Variants in SYN3 observed in about 807,000 individuals in gnomAD.
SYN3 encodes the protein synapsin III, also known as synapsin-3.
SYN3 carries 35 observed loss-of-function variants against 65.8 expected under a neutral mutation model. The ratio of observed to expected loss-of-function variants is 0.53; its 90% CI spans 0.41 to 0.70. The LOEUF (loss-of-function observed/expected upper bound fraction) is 0.70. Among genes scored for constraint, SYN3 ranks in the 30% least tolerant of loss-of-function variants. The pLI is 0.00. For missense variants in SYN3, 680 were observed against 749.0 expected, an observed-to-expected ratio of 0.91 and a Z score of 1.08; for synonymous variants, 270 against 292.9, an observed-to-expected ratio of 0.92 and a Z score of 0.80.
intron 6 of SYN3, among the ~76,000 whole-genome samples, chr22:32,762,268 T>C (rs932970843): frequency 6.6e-6 from 1 of 151,728 alleles, no homozygotes; most frequent in Non-Finnish European, 1.5e-5. Context: ...CCCAGGGTTA[T>C]AGCAGTGGGC....
chr22:32,791,281 C>T (rs953735963), intron 6 of SYN3, among the ~76,000 whole-genome samples: 9 of 152,242 alleles, frequency 5.9e-5, no homozygotes, highest in Middle Eastern at 6.8e-3. Flanking sequence ...TGTTTGCCTT[C>T]GCTTTATAGG....
chr22:32,662,366 G>A (rs1215071318), intron 6 of SYN3, among the ~76,000 whole-genome samples: 1 of 152,154 alleles, frequency 6.6e-6, no homozygotes, highest in Non-Finnish European at 1.5e-5. Flanking sequence ...AGCTACAGAC[G>A]TGTACATACA....
intron 3 of SYN3, among the ~76,000 whole-genome samples, chr22:32,933,427 T>TTTG (rs1050552070): frequency 3.3e-5 from 5 of 151,938 alleles, no homozygotes; most frequent in Admixed American, 6.6e-5. Flanking sequence ...GGCCTGTGTT[T>TTTG]TTGTTGTTGT....
At chr22:32,935,511 C>T (rs953033993) in intron 3 of SYN3, among the ~76,000 whole-genome samples, 1 of 147,020 alleles carries the variant, frequency 6.8e-6, no homozygotes, top group Non-Finnish European at 1.5e-5. Flanking sequence ...AGTGCAACGG[C>T]GTGATCTCAG....
At chr22:32,652,385 T>C (rs2060084603) in intron 6 of SYN3, among the ~76,000 whole-genome samples, 1 of 151,088 alleles carries the variant, frequency 6.6e-6, no homozygotes, top group Non-Finnish European at 1.5e-5. Context: ...GCAAGTTTTT[T>C]TTTTTTTGGA....
At chr22:32,990,315 T>A (rs1204847418) in intron 2 of SYN3, among the ~76,000 whole-genome samples, 1 of 150,990 alleles carries the variant, frequency 6.6e-6, no homozygotes, top group Admixed American at 6.6e-5. Flanking sequence ...CATCCATCCA[T>A]CCATCCATCC....
chr22:32,555,863 C>T (rs1378342621), intron 7 of SYN3, among the ~76,000 whole-genome samples: 2 of 152,164 alleles, frequency 1.3e-5, no homozygotes, highest in East Asian at 3.9e-4. Context: ...GGGGGATAAA[C>T]TAAATCTCTG....
intron 6 of SYN3, among the ~76,000 whole-genome samples, chr22:32,621,780 A>G (rs1410626272): frequency 2.0e-5 from 3 of 152,124 alleles, no homozygotes; most frequent in Admixed American, 2.0e-4. Flanking sequence ...AGCATTTCGA[A>G]GTTAGGTAAT....
chr22:32,908,826 A>G (rs935952588), intron 4 of SYN3, among the ~76,000 whole-genome samples: 4 of 152,162 alleles, frequency 2.6e-5, no homozygotes, highest in African/African-American at 9.7e-5. Flanking sequence ...GACCATTGAG[A>G]CACTCTAACT....
At chr22:32,612,943 G>T (rs1331099815) in intron 6 of SYN3, among the ~76,000 whole-genome samples, 5 of 152,202 alleles carry the variant, frequency 3.3e-5, no homozygotes, top group Non-Finnish European at 7.3e-5. Context: ...GGACCTGGTG[G>T]CAGGTGATCG....
At chr22:33,057,284 T>C (rs184000083) in intron 1 of SYN3, among the ~76,000 whole-genome samples, 1 of 152,346 alleles carries the variant, frequency 6.6e-6, no homozygotes, top group Non-Finnish European at 1.5e-5. Context: ...ATTCTAAGGC[T>C]GCACTTTAAG....
intron 12 of SYN3, among the ~76,000 whole-genome samples, chr22:32,526,494 G>GATAT: frequency 6.6e-6 from 1 of 151,114 alleles, no homozygotes; most frequent in East Asian, 1.9e-4. Flanking sequence ...CCTTCTTTCT[G>GATAT]ATATATATAT....
rs758840779 is a variant in SYN3, at chr22:32,801,108, C to T, written c.711+63807G>A. Among the ~76,000 whole-genome samples, 3 of 152,208 alleles carry T rather than the reference C, an allele frequency of 2.0e-5. No homozygotes were observed. Among genetic ancestry groups the T allele is most frequent in the Non-Finnish European group, 4.4e-5 (3 of 68,034 alleles). ...CTGGGAGAGCACAGAAAACAGTCTT[C>T]TATCATATATCATAGCCAGCTGCAA... On this transcript the variant is annotated intron_variant, in intron 6 of 13. Transcript: ENST00000358763. This position sits in a 1 kb window ranked among gnomAD's most constrained non-coding sequence, Gnocchi z 4.7.
intron 6 of SYN3, among the ~76,000 whole-genome samples, chr22:32,758,585 G>C (rs934705519): frequency 6.8e-6 from 1 of 147,894 alleles, no homozygotes; most frequent in African/African-American, 2.5e-5. Context: ...AAGTTCTTCA[G>C]TTTTGAGCCT....
Position 32,859,437 on chromosome 22 carries a change from A to C in SYN3, c.711+5478T>G. On this transcript the variant is annotated intron_variant, in intron 6 of 13. Transcript: ENST00000358763. ...TCCCGCTGAGCTTCCCTTGGACACT[A>C]ACTCTTCCCAGATGATGACAATGAA... is the stretch of plus-strand genomic sequence containing the variant. 5 of 1,553,972 alleles carry C rather than the reference A, an allele frequency of 3.2e-6. No individual in the cohort carries two copies. In the South Asian group the frequency reaches 5.8e-5, roughly 18 times the overall value.
At chr22:32,948,283 C>G (rs1477804783) in intron 3 of SYN3, among the ~76,000 whole-genome samples, 1 of 152,080 alleles carries the variant, frequency 6.6e-6, no homozygotes, top group Non-Finnish European at 1.5e-5. Flanking sequence ...TTCATAGGTT[C>G]CAGGGACTAG....
intron 6 of SYN3, among the ~76,000 whole-genome samples, chr22:32,694,052 T>C (rs1332114380): frequency 6.6e-6 from 1 of 152,022 alleles, no homozygotes; most frequent in African/African-American, 2.4e-5. Flanking sequence ...AGTTTCTGTT[T>C]TTTCCTTTGT....
intron 6 of SYN3, among the ~76,000 whole-genome samples, chr22:32,696,263 T>C (rs143996771): frequency 0.011 from 1,614 of 152,294 alleles, 11 homozygotes; most frequent in Non-Finnish European, 0.019. Flanking sequence ...AGAAGTGACA[T>C]AGATCACATC....
intron 7 of SYN3, among the ~76,000 whole-genome samples, chr22:32,570,623 C>G (rs1487494866): frequency 2.0e-5 from 3 of 151,910 alleles, no homozygotes; most frequent in Non-Finnish European, 2.9e-5. Flanking sequence ...CTGAGTATGC[C>G]GCATTTAGCA....
Sources: gnomAD v4.1 joint callset for allele counts (sites outside exome capture counted in the v4.1 genomes callset) on GRCh38, gnomAD v4.1.1 for gene constraint, Gnocchi (gnomAD v3.1) non-coding constraint, MANE v1.5 for transcripts, NCBI Gene and HGNC (gene_info 2026-07-23, HGNC 2026-07-21) for gene names.